The following CDK12 variants were observed in gnomAD, a reference collection of about 807,000 sequenced individuals.
The protein encoded by CDK12 is cyclin dependent kinase 12.
CDK12 carries 17 observed loss-of-function variants against 133.8 expected under a neutral mutation model. The observed-to-expected ratio is 0.13, with a 90% CI of 0.09 to 0.19. The LOEUF (loss-of-function observed/expected upper bound fraction) is 0.19. Among genes scored for constraint, CDK12 ranks in the 10% least tolerant of loss-of-function variants. The pLI, the probability that CDK12 is intolerant of heterozygous loss-of-function variation, is 1.00. For synonymous variants in CDK12, 694 were observed against 683.6 expected (o/e 1.02, Z -0.24); for missense variants, 1,508 against 1,818.7 (o/e 0.83, Z 3.11).
chr17:39,495,965 G>A (rs189924579), intron 5 of CDK12, among the ~76,000 whole-genome samples: 133 of 151,848 alleles, frequency 8.8e-4, no homozygotes, highest in African/African-American at 3.0e-3. Context: ...AGGCTGGAGT[G>A]CATTGGCTCG....
At position 39,462,633 on chromosome 17, in the gene CDK12, C is replaced by T. The variant is rs2144886863; in HGVS notation, c.562C>T (p.Arg188Trp). Reference sequence around the variant, plus strand: ...CCACAAGGAGAAGACCAGGAAAGAACGGGAGCTGAAGTCTGGGCACAAAGA... The same window carrying T: ...CCACAAGGAGAAGACCAGGAAAGAATGGGAGCTGAAGTCTGGGCACAAAGA... ...KLHKEKTRKE[R>W]ELKSGHKDRS... Residue 188 changes from arginine (R) to tryptophan (W), a missense_variant, in exon 1 of 14, where the codon CGG (arginine) becomes TGG (tryptophan). By Grantham distance (101) the Arg-to-Trp change is moderately radical. Around this residue, in one of 9 missense-constraint regions of CDK12, gnomAD observed 460 missense variants for 490.8 expected, o/e 0.94. Coordinates refer to ENST00000447079, the MANE Select transcript of CDK12 (RefSeq NM_016507.4). 2 of 1,614,018 alleles carry T rather than the reference C, an allele frequency of 1.2e-6. No individual in the cohort carries two copies. The highest frequency in any genetic ancestry group is 1.1e-5 in the South Asian group (1 of 91,076).
At chr17:39,466,319 A>G (rs997151462) in intron 1 of CDK12, among the ~76,000 whole-genome samples, 10 of 151,074 alleles carry the variant, frequency 6.6e-5, no homozygotes, top group South Asian at 4.2e-4. Flanking sequence ...AAAAAAAAAA[A>G]AAAGAAAGAA....
At chr17:39,502,524 T>G (rs1236626602) in intron 6 of CDK12, among the ~76,000 whole-genome samples, 1 of 152,218 alleles carries the variant, frequency 6.6e-6, no homozygotes, top group Non-Finnish European at 1.5e-5. Flanking sequence ...CCCCTCTTTA[T>G]GGTGTAGAAT....
intron 3 of CDK12, among the ~76,000 whole-genome samples, chr17:39,491,996 G>A (rs1489979036): frequency 5.5e-5 from 8 of 145,032 alleles, no homozygotes; most frequent in South Asian, 4.3e-4. Flanking sequence ...GCGGGGTGGC[G>A]CCTGCCTGTA....
At position 39,531,311 on chromosome 17, in the gene CDK12, T is replaced by A; in HGVS notation, c.4468T>A (p.Tyr1490Asn). The change falls in exon 14 of 14, where the codon TAC becomes AAC. Residue 1490 changes from tyrosine (Y) to asparagine (N), a missense_variant. Around this residue, in one of 9 missense-constraint regions of CDK12, gnomAD observed 114 missense variants for 101.2 expected, o/e 1.13. Coordinates refer to ENST00000447079, the MANE Select transcript of CDK12 (RefSeq NM_016507.4). ...AGGGGGAAGAGGGAGAGGAGTTCCT[T>A]ACTAACCCAGAGACTTCAGTGTCCT... ...PRGGRGRGVPY is the reference protein window; with the variant it reads ...PRGGRGRGVPN The A allele has an allele frequency of 6.7e-7, 1 of 1,483,504 alleles. No individual in the cohort carries two copies. Among genetic ancestry groups the A allele is most frequent in the Non-Finnish European group, 8.9e-7 (1 of 1,119,408 alleles). The allele number at this position is 1,483,504 out of a possible 1,614,324, so 91.9% of individuals were successfully genotyped here.
downstream of CDK12, among the ~76,000 whole-genome samples, chr17:39,537,631 C>T (rs1462145807): frequency 6.8e-6 from 1 of 147,840 alleles, no homozygotes; most frequent in Non-Finnish European, 1.5e-5. Context: ...GGTGTGATCT[C>T]GGCTCACTGC....
intron 2 of CDK12, among the ~76,000 whole-genome samples, chr17:39,555,112 G>A (rs2056103521): frequency 6.6e-6 from 1 of 151,678 alleles, no homozygotes; most frequent in African/African-American, 2.4e-5. Flanking sequence ...GGGCATGGTG[G>A]CAGGCTCCTG....
intron 11 of CDK12, among the ~76,000 whole-genome samples, chr17:39,521,798 G>T (rs1367081112): frequency 6.6e-6 from 1 of 151,982 alleles, no homozygotes; most frequent in South Asian, 2.1e-4. Flanking sequence ...CTGACTTCAG[G>T]TGATCTGCCT....
chr17:39,503,769 G>A (rs1189777560), intron 6 of CDK12, among the ~76,000 whole-genome samples: 1 of 152,190 alleles, frequency 6.6e-6, no homozygotes, highest in Non-Finnish European at 1.5e-5. Flanking sequence ...ACTCAGACCT[G>A]TGGGTGAGAT....
At chr17:39,542,531 C>T (rs1597665401) in intron 1 of CDK12, among the ~76,000 whole-genome samples, 1 of 147,946 alleles carries the variant, frequency 6.8e-6, no homozygotes, top group East Asian at 2.0e-4. Context: ...TTTTTTGAAA[C>T]GGCGTTTCAT....
chr17:39,483,083 T>C (rs1235104521), intron 2 of CDK12, among the ~76,000 whole-genome samples: 2 of 151,942 alleles, frequency 1.3e-5, no homozygotes, highest in African/African-American at 4.8e-5. Context: ...TGGCTAATTT[T>C]TGTATTTTTC....
rs1312185039 is a variant in CDK12 at position 39,490,750 on chromosome 17, A to G, written c.2108+17A>G. 2 of 1,574,780 alleles carry G rather than the reference A, an allele frequency of 1.3e-6. No individual in the cohort carries two copies. The highest frequency in any genetic ancestry group is 2.2e-5 in the East Asian group (1 of 44,458). ...GAGACCAAAGTGAGTTTTTGGAGGA[A>G]TCTGTCTTTCATGATAGTTTTCTCC... On this transcript the variant is annotated intron_variant, in intron 3 of 13. Coordinates refer to ENST00000447079, the MANE Select transcript of CDK12 (RefSeq NM_016507.4).
chr17:39,492,127 C>T (rs1170059454), intron 3 of CDK12, among the ~76,000 whole-genome samples: 4 of 141,114 alleles, frequency 2.8e-5, no homozygotes, highest in Admixed American at 1.5e-4. Context: ...GTCGGAGTCT[C>T]GCTCTGCTGC....
Position 39,494,446 on chromosome 17 carries a change from G to A in CDK12, c.2249-78G>A. ...GTAAGCACTAAGTTTGTCTTCCAGA[G>A]CAAGGGCATATATTGCTGGTTCACA... On this transcript the variant is annotated intron_variant, in intron 4 of 13. Coordinates refer to ENST00000447079, the MANE Select transcript of CDK12 (RefSeq NM_016507.4). 9.1e-6 allele frequency: 11 copies of A among 1,206,712 alleles called. No individual in the cohort carries two copies. In the South Asian group the frequency reaches 1.2e-4, roughly 13 times the overall value. 74.8% of individuals were successfully genotyped at this position (1,206,712 alleles called of 1,614,324 possible).
At position 39,533,494 on chromosome 17, in the gene CDK12, GA is replaced by G; in HGVS notation, c.*2185del. ...ATACTTTCAGAAGTATCTGTTCAATGAAAAAAAGTTGGTTTCCCATCAAATA... is the reference window on the plus strand; with the variant it reads ...ATACTTTCAGAAGTATCTGTTCAATGAAAAAAGTTGGTTTCCCATCAAATA... On this transcript the variant is annotated 3_prime_UTR_variant, in exon 14 of 14. Coordinates refer to ENST00000447079, the MANE Select transcript of CDK12 (RefSeq NM_016507.4). 3 of 232,944 alleles carry G rather than the reference GA, an allele frequency of 1.3e-5. No individual in the cohort carries two copies. Among genetic ancestry groups the G allele is most frequent in the East Asian group, 6.0e-5 (1 of 16,664 alleles). The allele number at this position is 232,944 out of a possible 1,614,324, so 14.4% of individuals were successfully genotyped here.
chr17:39,489,011 C>T (rs2145781367), intron 2 of CDK12, among the ~76,000 whole-genome samples: 1 of 152,166 alleles, frequency 6.6e-6, no homozygotes, highest in African/African-American at 2.4e-5. Flanking sequence ...ACCTCCTCCT[C>T]CTAGGCTCAA....
At position 39,533,295 on chromosome 17, in the gene CDK12, A is replaced by T. The variant is rs1372421679; in HGVS notation, c.*1979A>T. ...GATGGCTTTTTATACCAGTGTGTCC[A>T]GTTAGATTTACTAGGCTTACTGACA... On this transcript the variant is annotated 3_prime_UTR_variant, in exon 14 of 14. Transcript: ENST00000447079. 1 of 233,058 alleles carries T rather than the reference A, an allele frequency of 4.3e-6. No individual in the cohort carries two copies. The highest frequency in any genetic ancestry group is 8.5e-6 in the Non-Finnish European group (1 of 117,864). The allele number at this position is 233,058 out of a possible 1,614,324, so 14.4% of individuals were successfully genotyped here. A position where few individuals can be genotyped will look rare whatever the true frequency, so the allele number is the denominator to read the frequency against.
chr17:39,469,773 G>A (rs1597923574), intron 1 of CDK12, among the ~76,000 whole-genome samples: 2 of 151,868 alleles, frequency 1.3e-5, no homozygotes, highest in African/African-American at 4.8e-5. Context: ...AAGTAGCTGG[G>A]ATTACAGGCG....
At chr17:39,520,153 T>C in intron 11 of CDK12, 66 bp downstream of exon 11, 1 of 1,566,586 alleles carries the variant, frequency 6.4e-7, no homozygotes, top group East Asian at 2.3e-5. Flanking sequence ...GAGAAACTCA[T>C]AAAAGAACCA....
Sources: allele counts gnomAD v4.1 joint callset (sites outside exome capture counted in the v4.1 genomes callset), GRCh38; gene constraint gnomAD v4.1.1; regional missense constraint gnomAD v4.1.1; transcripts MANE v1.5; gene names NCBI Gene and HGNC (gene_info 2026-07-23, HGNC 2026-07-21).